AXL: variants seen among roughly 807,000 people sequenced by gnomAD.
AXL encodes tyrosine-protein kinase receptor UFO.
In AXL, 52 loss-of-function variants were observed where a neutral mutation model predicts 104.5. The observed-to-expected ratio is 0.50, with a 90% CI of 0.40 to 0.63. The LOEUF (loss-of-function observed/expected upper bound fraction) is 0.63. Ranked by LOEUF, AXL falls within the 20% of genes least tolerant of loss-of-function variation. The probability of loss-of-function intolerance (pLI) is 0.00; values close to 1 mark genes in which losing one functional copy is unlikely to be tolerated. For missense variants in AXL, 1,024 were observed against 1,188.5 expected, an observed-to-expected ratio of 0.86 and a Z score of 2.04; for synonymous variants, 455 against 473.7, an observed-to-expected ratio of 0.96 and a Z score of 0.51.
At chr19:41,244,476 CT>C (rs908642050) in intron 12 of AXL, among the ~76,000 whole-genome samples, 1 of 150,126 alleles carries the variant, frequency 6.7e-6, no homozygotes, top group African/African-American at 2.4e-5. Flanking sequence ...TTTCTTTTTT[CT>C]TTTTTTTTCT....
At position 41,221,982 on chromosome 19, in the gene AXL, T is replaced by C. The variant is rs2033798951; in HGVS notation, c.512T>C (p.Leu171Pro). 6.2e-7 allele frequency: 1 copy of C among 1,611,132 alleles called. No homozygotes were observed. ...QAQGPPEPVD[L>P]LWLQDAVPLA... ...CAGGGACCCCCAGAGCCCGTGGACC[T>C]ACTCTGGCTCCAGGATGCTGTCCCC... The change falls in exon 4 of 20, where the codon CTA becomes CCA. Residue 171 changes from leucine (L) to proline (P), a missense_variant. Around this residue, in one of 5 missense-constraint regions of AXL, gnomAD observed 332 missense variants for 343.9 expected, o/e 0.97. Coordinates refer to ENST00000301178, the MANE Select transcript of AXL (RefSeq NM_021913.5).
intron 1 of AXL, 90 bp downstream of exon 1, chr19:41,219,567 C>A: frequency 6.9e-7 from 1 of 1,439,534 alleles, no homozygotes; most frequent in Non-Finnish European, 9.5e-7. Context: ...GTGTGGGGGG[C>A]CTGGGCTGGC....
chr19:41,248,674 C>T, intron 13 of AXL, 65 bp downstream of exon 13: 1 of 1,611,140 alleles, frequency 6.2e-7, no homozygotes, highest in Non-Finnish European at 8.5e-7. Flanking sequence ...TCCACACTCC[C>T]ACCCAACTAT....
intron 14 of AXL, among the ~76,000 whole-genome samples, chr19:41,249,587 C>G (rs112527874): frequency 0.033 from 4,945 of 152,070 alleles, 289 homozygotes; most frequent in African/African-American, 0.11. Context: ...GAAACCCCAC[C>G]TCTACTAAAA....
At chr19:41,225,912 C>A (rs2033871374) in intron 4 of AXL, among the ~76,000 whole-genome samples, 1 of 152,118 alleles carries the variant, frequency 6.6e-6, no homozygotes, top group Non-Finnish European at 1.5e-5. Flanking sequence ...TGACTCAGGG[C>A]GTGCCCCTCC....
intron 14 of AXL, among the ~76,000 whole-genome samples, chr19:41,250,000 G>C (rs1001982997): frequency 6.6e-4 from 101 of 152,322 alleles, no homozygotes; most frequent in African/African-American, 2.4e-3. Flanking sequence ...AGCAGGAGAA[G>C]CTCTAGAATG....
chr19:41,243,779 C>T, intron 12 of AXL, 72 bp downstream of exon 12: 2 of 1,398,698 alleles, frequency 1.4e-6, no homozygotes, highest in Non-Finnish European at 2.0e-6. Context: ...TGCTGGGCTT[C>T]TGTACATGTG....
At chr19:41,251,745 C>CA (rs1391782046) in intron 14 of AXL, among the ~76,000 whole-genome samples, 5 of 150,448 alleles carry the variant, frequency 3.3e-5, no homozygotes, top group African/African-American at 1.2e-4. Flanking sequence ...AAAACAAAAA[C>CA]AAAACAAAAC....
chr19:41,244,463 G>A (rs1336313651), intron 12 of AXL, among the ~76,000 whole-genome samples: 1 of 151,798 alleles, frequency 6.6e-6, no homozygotes, highest in Non-Finnish European at 1.5e-5. Context: ...CCAAGGACAC[G>A]GGTTTCTTTT....
At chr19:41,255,063 TC>T (rs1176940882) in intron 17 of AXL, among the ~76,000 whole-genome samples, 1 of 152,216 alleles carries the variant, frequency 6.6e-6, no homozygotes, top group Non-Finnish European at 1.5e-5. Flanking sequence ...CTCTTCGTCT[TC>T]CCAATCACTA....
intron 2 of AXL, 133 bp from the exon 3 acceptor site, chr19:41,221,013 G>A (rs1568407195): frequency 8.6e-7 from 1 of 1,164,524 alleles, no homozygotes; most frequent in Non-Finnish European, 1.2e-6. Context: ...TCTGCAAAAT[G>A]AGTTAATAAT....
chr19:41,225,530 C>T (rs1037346506), intron 4 of AXL, among the ~76,000 whole-genome samples: 1 of 152,166 alleles, frequency 6.6e-6, no homozygotes, highest in Non-Finnish European at 1.5e-5. Context: ...TATACAGGGA[C>T]ATTTAAGTTT....
chr19:41,242,808 C>A, intron 10 of AXL, 75 bp from the exon 11 acceptor site: 1 of 1,586,546 alleles, frequency 6.3e-7, no homozygotes, highest in Non-Finnish European at 8.6e-7. Flanking sequence ...GCCTCCCTCC[C>A]ACATCACCCC....
At chr19:41,252,226 G>C (rs1430755458) in intron 14 of AXL, 125 bp from the exon 15 acceptor site, 24 of 767,580 alleles carry the variant, frequency 3.1e-5, no homozygotes, top group Non-Finnish European at 5.1e-5. Context: ...ATGGTGCCTG[G>C]TACTTACTAA....
At position 41,243,682 on chromosome 19, in the gene AXL, C is replaced by T. The variant is rs767807543; in HGVS notation, c.1512C>T (p.Tyr504=). 9.9e-6 allele frequency: 16 copies of T among 1,614,078 alleles called. No homozygotes were observed. The South Asian group carries it at 1.8e-4, about 18-fold the overall frequency. ...TCAGGTACCGCGTGCGCAAGTCCTA[C>T]AGTCGTCGGACCACTGAAGCTACCT... ...LVVRYRVRKS[Y]SRRTTEATLN... Residue 504 remains tyrosine, a synonymous_variant, in exon 12 of 20, where the codon TAC becomes TAT. Transcript: ENST00000301178.
At position 41,219,287 on chromosome 19, in the gene AXL, G is replaced by C; in HGVS notation, c.-106G>C. 1 of 1,143,672 alleles carries C rather than the reference G, an allele frequency of 8.7e-7. No homozygotes were observed. Among genetic ancestry groups the C allele is most frequent in the African/African-American group, 1.6e-5 (1 of 63,626 alleles). The allele number at this position is 1,143,672 out of a possible 1,614,324, so 70.8% of individuals were successfully genotyped here. On this transcript the variant is annotated 5_prime_UTR_variant, in exon 1 of 20. Coordinates refer to ENST00000301178, the MANE Select transcript of AXL (RefSeq NM_021913.5). ...CCCCTGCCGCTGTGCCAGGCAGGCA[G>C]TGCCAAATCCGGGGAGCCTGGAGCT...
intron 17 of AXL, among the ~76,000 whole-genome samples, chr19:41,254,198 T>C (rs1194114865): frequency 6.7e-6 from 1 of 149,806 alleles, no homozygotes; most frequent in East Asian, 2.0e-4. Flanking sequence ...AGGCCAGGAG[T>C]TCGAGACCAG....
At position 41,238,062 on chromosome 19, in the gene AXL, C is replaced by A; in HGVS notation, c.902C>A (p.Pro301His). ...CAGCTTCGGCTAGGCAGCCTCCATC[C>A]TCACACCCCTTATCACATCCGCGTG... is the stretch of plus-strand genomic sequence containing the variant. ...PHQLRLGSLH[P>H]HTPYHIRVAC... The change falls in exon 7 of 20, where the codon CCT (proline) becomes CAT (histidine). Residue 301 changes from proline to histidine, a missense_variant. This residue lies in a region of AXL where 332 missense variants were observed against 343.9 expected (regional missense o/e 0.97). Coordinates refer to ENST00000301178, the MANE Select transcript of AXL (RefSeq NM_021913.5). 1 of 1,614,082 alleles carries A rather than the reference C, an allele frequency of 6.2e-7. No individual in the cohort carries two copies. The highest frequency in any genetic ancestry group is 1.1e-5 in the South Asian group (1 of 91,078).
At chr19:41,223,590 A>AG (rs1568408260) in intron 4 of AXL, among the ~76,000 whole-genome samples, 1 of 152,050 alleles carries the variant, frequency 6.6e-6, no homozygotes, top group Non-Finnish European at 1.5e-5. Context: ...TGGAATGAGG[A>AG]GGGGCCTTCT....
Sources: allele counts gnomAD v4.1 joint callset (sites outside exome capture counted in the v4.1 genomes callset), GRCh38; gene constraint gnomAD v4.1.1; regional missense constraint gnomAD v4.1.1; transcripts MANE v1.5; gene names NCBI Gene and HGNC (gene_info 2026-07-23, HGNC 2026-07-21).